ANK1: variants seen among roughly 807,000 people sequenced by gnomAD.
ANK1 encodes ankyrin-1.
ANK1 carries 51 observed loss-of-function variants against 210.4 expected under a neutral mutation model. That is an observed-to-expected ratio of 0.24 (90% CI 0.19 to 0.31). The LOEUF is 0.31. ANK1 is among the 10% of genes least tolerant of loss of function. The pLI is 1.00. For missense variants in ANK1, 2,051 were observed against 2,504.4 expected (o/e 0.82, Z 3.86); for synonymous variants, 967 against 1,025.9 (o/e 0.94, Z 1.10).
At chr8:41,856,269 T>A (rs1812159260) in intron 1 of ANK1, among the ~76,000 whole-genome samples, 2 of 152,312 alleles carry the variant, frequency 1.3e-5, no homozygotes, top group East Asian at 3.9e-4. Context: ...AGGTTAATAA[T>A]CCTTGATAGA....
intron 2 of ANK1, among the ~76,000 whole-genome samples, chr8:41,748,774 G>GC (rs1290083925): frequency 1.3e-5 from 2 of 152,188 alleles, no homozygotes; most frequent in Non-Finnish European, 2.9e-5. Context: ...GGTGGCTTAC[G>GC]CCTGTAATCC....
chr8:41,847,373 C>T (rs1468800672), intron 1 of ANK1, among the ~76,000 whole-genome samples: 4 of 152,204 alleles, frequency 2.6e-5, no homozygotes, highest in Non-Finnish European at 5.9e-5. Context: ...CTTGTCTGCA[C>T]ACATTTCACT....
chr8:41,813,287 G>T (rs944748279), intron 1 of ANK1, among the ~76,000 whole-genome samples: 14 of 152,104 alleles, frequency 9.2e-5, no homozygotes, highest in African/African-American at 3.4e-4. Context: ...CAGCTTGCGG[G>T]GCTTCTGGAA....
chr8:41,861,045 A>G (rs1039902772), intron 1 of ANK1, among the ~76,000 whole-genome samples: 2 of 152,218 alleles, frequency 1.3e-5, no homozygotes, highest in Non-Finnish European at 1.5e-5. Flanking sequence ...CCCTGAACCT[A>G]TGGCCTCACA....
rs1586181590 is a variant in ANK1 at position 41,696,513 on chromosome 8, A to G, written c.2810T>C (p.Val937Ala). The G allele has an allele frequency of 6.2e-7, 1 of 1,613,524 alleles. No individual in the cohort carries two copies. Among genetic ancestry groups the G allele is most frequent in the Non-Finnish European group, 8.5e-7 (1 of 1,180,002 alleles). Residue 937 changes from valine to alanine, a missense_variant, in exon 26 of 43, where the codon GTG (valine) becomes GCG (alanine). Val to Ala is a moderately conservative substitution (Grantham distance 64). Around this residue, in one of 6 missense-constraint regions of ANK1, gnomAD observed 1,413 missense variants for 1,707.4 expected, o/e 0.83. Transcript: ENST00000289734. ...RGSRHNGLRV[V>A]IPPRTCAAPT... ...CGCTGCGCACGTCCGTGGCGGGATC[A>G]CCACTCGCAGGCCGTTGTGGCGACT...
At chr8:41,706,074 G>A in intron 18 of ANK1, 69 bp downstream of exon 18, 1 of 1,462,682 alleles carries the variant, frequency 6.8e-7, no homozygotes. Context: ...TCAAAGCTCT[G>A]TGGAAGATTC....
chr8:41,667,086 G>A (rs1459744310), intron 39 of ANK1, among the ~76,000 whole-genome samples: 1 of 152,250 alleles, frequency 6.6e-6, no homozygotes, highest in African/African-American at 2.4e-5. Flanking sequence ...CTGGGAGCAG[G>A]AGAACTAGGC....
At chr8:41,886,688 A>G (rs2150834809) in intron 1 of ANK1, among the ~76,000 whole-genome samples, 1 of 152,304 alleles carries the variant, frequency 6.6e-6, no homozygotes, top group Non-Finnish European at 1.5e-5. Context: ...CACATTTCCA[A>G]GTATCAGTGT....
chr8:41,885,777 G>A (rs1245574984), intron 1 of ANK1, among the ~76,000 whole-genome samples: 1 of 152,212 alleles, frequency 6.6e-6, no homozygotes, highest in Admixed American at 6.5e-5. Context: ...CTATGCCGCA[G>A]GAGAATCTAG....
chr8:41,739,522 T>TTTTTTTTTTCTTTC (rs1554587174), intron 2 of ANK1, among the ~76,000 whole-genome samples: 3,293 of 35,248 alleles, frequency 0.093, 43 homozygotes, highest in Middle Eastern at 0.21. Context: ...TTTTTCTTTC[T>TTTTTTTTTTCTTTC]TTTTTTTTTT....
chr8:41,696,527 G>C lies in ANK1; in HGVS notation c.2796C>G (p.Asn932Lys), dbSNP rs141257975. 1 of 1,613,682 alleles carries C rather than the reference G, an allele frequency of 6.2e-7. No individual in the cohort carries two copies. Among genetic ancestry groups the C allele is most frequent in the Non-Finnish European group, 8.5e-7 (1 of 1,180,036 alleles). The change falls in exon 26 of 43, where the codon AAC becomes AAG. Residue 932 changes from asparagine (N) to lysine (K), a missense_variant. By Grantham distance (94) the Asn-to-Lys change is moderately conservative. Transcript: ENST00000289734. ...GTGGCGGGATCACCACTCGCAGGCC[G>C]TTGTGGCGACTTCCTCTCATGGAAC... The part of the protein sequence containing the change: ...RGGSMRGSRH[N>K]GLRVVIPPRT...
intron 1 of ANK1, among the ~76,000 whole-genome samples, chr8:41,772,898 G>A (rs1238364511): frequency 2.0e-5 from 3 of 152,146 alleles, no homozygotes; most frequent in Non-Finnish European, 4.4e-5. Flanking sequence ...AGAAAGGCAG[G>A]CTGGTTTATC....
chr8:41,684,617 T>C lies in ANK1; in HGVS notation c.4464A>G (p.Arg1488=), dbSNP rs879005261. The C allele has an allele frequency of 1.2e-6, 2 of 1,613,882 alleles. No homozygotes were observed. The highest frequency in any genetic ancestry group is 2.7e-5 in the African/African-American group (2 of 75,022). ...TGTCTGGCTTCAAGTTGCGGCTCTG[T>C]CGGCCGGAACCCTCCAGCATGTTCA... ...EIVNMLEGSG[R]QSRNLKPDRR... is the part of the protein sequence containing the mutation. The change falls in exon 37 of 43, where the codon CGA becomes CGG. Residue 1488 remains arginine (R), a synonymous_variant. Coordinates refer to ENST00000289734, the MANE Select transcript of ANK1 (RefSeq NM_000037.4).
chr8:41,818,345 G>T (rs1026150189), intron 1 of ANK1, among the ~76,000 whole-genome samples: 1 of 152,148 alleles, frequency 6.6e-6, no homozygotes, highest in Non-Finnish European at 1.5e-5. Flanking sequence ...GCACAGAAGA[G>T]GAATTTAGGC....
In ANK1 at chr8:41,702,059, C is replaced by T. The variant is rs761641847; in HGVS notation, c.2381G>A (p.Ser794Asn). The change falls in exon 21 of 43, where the codon AGT becomes AAT. Residue 794 changes from serine (S) to asparagine (N), a missense_variant. This residue lies in a region of ANK1 where 1,413 missense variants were observed against 1,707.4 expected (regional missense o/e 0.83). Transcript: ENST00000289734. ...DVLKVVTDET[S>N]FVLVSDKHRM... ...GGGGAGAGGCAGACATACCACGAAACTGGTTTCATCCGTGACGACCTTGAG... is the reference window on the plus strand; with the variant it reads ...GGGGAGAGGCAGACATACCACGAAATTGGTTTCATCCGTGACGACCTTGAG... The T allele has an allele frequency of 4.3e-6, 7 of 1,614,054 alleles. No individual in the cohort carries two copies. In the South Asian group the frequency reaches 6.6e-5, roughly 15 times the overall value.
At chr8:41,779,396 C>T (rs2150744792) in intron 1 of ANK1, among the ~76,000 whole-genome samples, 1 of 152,224 alleles carries the variant, frequency 6.6e-6, no homozygotes, top group Admixed American at 6.5e-5. Flanking sequence ...TACAGGTGAG[C>T]ACCACCACAC....
chr8:41,748,937 A>C (rs1836920365), intron 2 of ANK1, among the ~76,000 whole-genome samples: 1 of 152,000 alleles, frequency 6.6e-6, no homozygotes, highest in African/African-American at 2.4e-5. Flanking sequence ...TGGGGGGCTG[A>C]GGCAGGAGAA....
intron 2 of ANK1, among the ~76,000 whole-genome samples, chr8:41,742,233 T>G (rs1329266738): frequency 6.6e-6 from 1 of 152,222 alleles, no homozygotes; most frequent in Non-Finnish European, 1.5e-5. Flanking sequence ...CTCTTCTGAT[T>G]GCCCCAGTTG....
At position 41,776,232 on chromosome 8, in the gene ANK1, G is replaced by C. The variant is rs955955561; in HGVS notation, c.28-18095C>G. ...AGTCTTGGAAATTTAGGTGCAACCG[G>C]GGCATCTTTAATAATGTGGCCATTC... On this transcript the variant is annotated intron_variant, in intron 1 of 42. Coordinates refer to ENST00000289734, the MANE Select transcript of ANK1 (RefSeq NM_000037.4). Among the ~76,000 whole-genome samples, 85 of 152,102 alleles carry C rather than the reference G, an allele frequency of 5.6e-4. 1 individual carries two copies. The highest frequency in any genetic ancestry group is 2.1e-4 in the Non-Finnish European group (14 of 68,012).
Sources: allele counts gnomAD v4.1 joint callset (sites outside exome capture counted in the v4.1 genomes callset), GRCh38; gene constraint gnomAD v4.1.1; regional missense constraint gnomAD v4.1.1; transcripts MANE v1.5; gene names NCBI Gene and HGNC (gene_info 2026-07-23, HGNC 2026-07-21).